The following AKIRIN2 variants were observed in gnomAD, a reference collection of about 807,000 sequenced individuals.
AKIRIN2 encodes the protein akirin-2.
A neutral mutation model predicts 29.3 loss-of-function variants in AKIRIN2; 6 were observed. That is an observed-to-expected ratio of 0.20 (90% CI 0.11 to 0.40). AKIRIN2 has a LOEUF of 0.40. AKIRIN2 is among the 10% of genes least tolerant of loss of function. The probability of loss-of-function intolerance (pLI) is 1.00; values close to 1 mark genes in which losing one functional copy is unlikely to be tolerated. For missense variants in AKIRIN2, 210 were observed against 276.1 expected (o/e 0.76, Z 1.70); for synonymous variants, 128 against 117.5 (o/e 1.09, Z -0.58).
chr6:87,696,677 G>A (rs1407549399), intron 1 of AKIRIN2, among the ~76,000 whole-genome samples: 9 of 146,156 alleles, frequency 6.2e-5, no homozygotes, highest in African/African-American at 2.0e-4. Flanking sequence ...CTCCAGCCTG[G>A]GGGACAGAGT....
chr6:87,699,037 CAA>C (rs950982261), intron 1 of AKIRIN2, among the ~76,000 whole-genome samples: 3 of 152,258 alleles, frequency 2.0e-5, no homozygotes, highest in African/African-American at 7.2e-5. Flanking sequence ...GAAAGGAAAA[CAA>C]AGAGTTCCCA....
Position 87,701,996 on chromosome 6 carries a change from G to A in AKIRIN2, c.-312C>T, listed in dbSNP as rs1482248734. 5 of 402,318 alleles carry A rather than the reference G, an allele frequency of 1.2e-5. No homozygotes were observed. Among genetic ancestry groups the A allele is most frequent in the Middle Eastern group, 6.2e-4 (1 of 1,614 alleles). 24.9% of individuals were successfully genotyped at this position (402,318 alleles called of 1,614,324 possible). A position where few individuals can be genotyped will look rare whatever the true frequency, so the allele number is the denominator to read the frequency against. ...GGCTCCCCCGAGAGAGGCTCCGGCCGCCCCCGCCGTCCGCTCGAGCTTTGC... is the reference window on the plus strand; with the variant it reads ...GGCTCCCCCGAGAGAGGCTCCGGCCACCCCCGCCGTCCGCTCGAGCTTTGC... On this transcript the variant is annotated 5_prime_UTR_variant, in exon 1 of 5. Coordinates refer to ENST00000257787, the MANE Select transcript of AKIRIN2 (RefSeq NM_018064.4).
intron 1 of AKIRIN2, among the ~76,000 whole-genome samples, chr6:87,688,685 G>A (rs1286265287): frequency 6.6e-6 from 1 of 152,120 alleles, no homozygotes; most frequent in African/African-American, 2.4e-5. Context: ...GGGGGGAGGT[G>A]GAGGTTGCAG....
At position 87,701,645 on chromosome 6, in the gene AKIRIN2, C is replaced by T; in HGVS notation, c.40G>A (p.Asp14Asn). ...GATLKRTLDF[D>N]PLLSPASPKR... ...GGGGACGCCGGGCTCAACAGCGGGTCGAAATCCAGAGTCCTTTTCAGAGTG... is the reference window on the plus strand; with the variant it reads ...GGGGACGCCGGGCTCAACAGCGGGTTGAAATCCAGAGTCCTTTTCAGAGTG... Residue 14 changes from aspartate to asparagine, a missense_variant, in exon 1 of 5, where the codon GAC becomes AAC. By Grantham distance (23) the Asp-to-Asn change is conservative. Around this residue, in one of 2 missense-constraint regions of AKIRIN2, gnomAD observed 199 missense variants for 236.5 expected, o/e 0.84. Transcript: ENST00000257787. 6.8e-7 allele frequency: 1 copy of T among 1,467,866 alleles called. No homozygotes were observed. The highest frequency in any genetic ancestry group is 9.0e-7 in the Non-Finnish European group (1 of 1,113,572). The allele number at this position is 1,467,866 out of a possible 1,614,324, so 90.9% of individuals were successfully genotyped here. A position where few individuals can be genotyped will look rare whatever the true frequency, so the allele number is the denominator to read the frequency against.
chr6:87,695,141 C>A (rs1246367841), intron 1 of AKIRIN2, among the ~76,000 whole-genome samples: 4 of 152,150 alleles, frequency 2.6e-5, no homozygotes, highest in Admixed American at 2.0e-4. Flanking sequence ...TAGAAAAATT[C>A]TTATACATGG....
At position 87,701,962 on chromosome 6, in the gene AKIRIN2, C is replaced by T; in HGVS notation, c.-278G>A. 1 of 399,398 alleles carries T rather than the reference C, an allele frequency of 2.5e-6. No homozygotes were observed. Among genetic ancestry groups the T allele is most frequent in the Non-Finnish European group, 4.4e-6 (1 of 226,488 alleles). The allele number at this position is 399,398 out of a possible 1,614,324, so 24.7% of individuals were successfully genotyped here. A position where few individuals can be genotyped will look rare whatever the true frequency, so the allele number is the denominator to read the frequency against. Reference sequence around the variant, plus strand: ...CGCGTCAGGGGGGTTCTTCCGCCTCCTCAGGCGCGGCTCCCCCGAGAGAGG... The same window carrying T: ...CGCGTCAGGGGGGTTCTTCCGCCTCTTCAGGCGCGGCTCCCCCGAGAGAGG... On this transcript the variant is annotated 5_prime_UTR_variant, in exon 1 of 5. Transcript: ENST00000257787.
intron 3 of AKIRIN2, among the ~76,000 whole-genome samples, chr6:87,676,447 CAAAAAAAAA>C (rs71021319): frequency 4.8e-5 from 2 of 41,908 alleles, no homozygotes; most frequent in South Asian, 1.2e-3. Context: ...GCCTGGGCAA[CAAAAAAAAA>C]AAAAAAAAAA....
Position 87,692,255 on chromosome 6 carries a change from C to T in AKIRIN2, c.235+9195G>A, listed in dbSNP as rs79299335. Among the ~76,000 whole-genome samples, 248 of 152,256 alleles carry T rather than the reference C, an allele frequency of 1.6e-3. 8 individuals are homozygous for T. The East Asian group carries it at 0.044, about 27-fold the overall frequency. On this transcript the variant is annotated intron_variant, in intron 1 of 4. Coordinates refer to ENST00000257787, the MANE Select transcript of AKIRIN2 (RefSeq NM_018064.4). ...TGAGTAAAAGTCCCATTTGAGGTTG[C>T]CTTCTTGAGACCATTTCCATCACTT...
chr6:87,690,360 CTTAAAATCAT>C (rs947916312), intron 1 of AKIRIN2, among the ~76,000 whole-genome samples: 3 of 152,188 alleles, frequency 2.0e-5, no homozygotes, highest in Non-Finnish European at 4.4e-5. Flanking sequence ...CCTAAGCTAA[CTTAAAATCAT>C]TTTGCCACCC....
intron 2 of AKIRIN2, among the ~76,000 whole-genome samples, chr6:87,681,297 C>T (rs1466121902): frequency 6.6e-6 from 1 of 152,212 alleles, no homozygotes; most frequent in Non-Finnish European, 1.5e-5. Flanking sequence ...CTCGCTCGGC[C>T]TCCCCAAGTG....
rs982480747 is a variant in AKIRIN2 at position 87,701,838 on chromosome 6, G to A, written c.-154C>T. ...GTCGCGGAGCGCCGGCTGTGGAAAGGAGAGCCGCTGCCGCCGCTGCCTCCG... is the reference window on the plus strand; with the variant it reads ...GTCGCGGAGCGCCGGCTGTGGAAAGAAGAGCCGCTGCCGCCGCTGCCTCCG... On this transcript the variant is annotated 5_prime_UTR_variant, in exon 1 of 5. Transcript: ENST00000257787. 3 of 498,892 alleles carry A rather than the reference G, an allele frequency of 6.0e-6. No individual in the cohort carries two copies. The highest frequency in any genetic ancestry group is 5.3e-4 in the Middle Eastern group (1 of 1,872). 30.9% of individuals were successfully genotyped at this position (498,892 alleles called of 1,614,324 possible).
chr6:87,692,672 T>C (rs1016640972), intron 1 of AKIRIN2, among the ~76,000 whole-genome samples: 3 of 152,042 alleles, frequency 2.0e-5, no homozygotes, highest in Non-Finnish European at 4.4e-5. Flanking sequence ...ATTAGCTGGG[T>C]GTGGCGGCGC....
intron 1 of AKIRIN2, among the ~76,000 whole-genome samples, chr6:87,691,689 A>C (rs894123088): frequency 6.6e-6 from 1 of 152,182 alleles, no homozygotes; most frequent in Non-Finnish European, 1.5e-5. Flanking sequence ...GGGAAATTGT[A>C]GTCAAAGGAG....
chr6:87,700,605 A>C (rs1299041162), intron 1 of AKIRIN2: 1 of 152,240 alleles, frequency 6.6e-6, no homozygotes, highest in East Asian at 1.9e-4. Flanking sequence ...CAAGATGAAA[A>C]GCAAAAGTCT....
At chr6:87,686,583 T>C (rs1771192173) in intron 1 of AKIRIN2, among the ~76,000 whole-genome samples, 1 of 151,998 alleles carries the variant, frequency 6.6e-6, no homozygotes, top group Non-Finnish European at 1.5e-5. Flanking sequence ...CCTCCAGACA[T>C]CATTACTAGA....
rs137898909 is a variant in AKIRIN2 at position 87,676,815 on chromosome 6, G to A, written c.530-884C>T. ...CAATTGGCCGGGCATGGTGGCTTAC[G>A]CCTGTAATCCCAGCACTTTGAGAGG... On this transcript the variant is annotated intron_variant, in intron 3 of 4. Coordinates refer to ENST00000257787, the MANE Select transcript of AKIRIN2 (RefSeq NM_018064.4). 5.7e-3 allele frequency among the ~76,000 whole-genome samples: 842 copies of A among 147,728 alleles called. 7 individuals are homozygous for A. Among genetic ancestry groups the A allele is most frequent in the African/African-American group, 0.02 (781 of 39,818 alleles).
At chr6:87,692,775 A>C (rs1208666233) in intron 1 of AKIRIN2, among the ~76,000 whole-genome samples, 2 of 152,240 alleles carry the variant, frequency 1.3e-5, no homozygotes, top group African/African-American at 4.8e-5. Context: ...GTGCCACTGC[A>C]CTCCAGCCTG....
chr6:87,690,164 C>T (rs1343724159), intron 1 of AKIRIN2, among the ~76,000 whole-genome samples: 1 of 150,990 alleles, frequency 6.6e-6, no homozygotes, highest in Non-Finnish European at 1.5e-5. Flanking sequence ...TGAGATGACG[C>T]CATTGAACTC....
chr6:87,702,151 G>C lies in AKIRIN2; in HGVS notation c.-467C>G, dbSNP rs1174060718. 3 of 398,522 alleles carry C rather than the reference G, an allele frequency of 7.5e-6. No individual in the cohort carries two copies. The highest frequency in any genetic ancestry group is 1.3e-5 in the Non-Finnish European group (3 of 226,004). The allele number at this position is 398,522 out of a possible 1,614,324, so 24.7% of individuals were successfully genotyped here. A position where few individuals can be genotyped will look rare whatever the true frequency, so the allele number is the denominator to read the frequency against. On this transcript the variant is annotated 5_prime_UTR_variant, in exon 1 of 5. It adds an upstream start codon to the 5' untranslated region. Coordinates refer to ENST00000257787, the MANE Select transcript of AKIRIN2 (RefSeq NM_018064.4). ...GGTCAGTAGCTTGCGAGCGGCGATC[G>C]ATGCAGAGAGATTGCGAGGTAGCTG...
Sources: gnomAD v4.1 joint callset for allele counts (sites outside exome capture counted in the v4.1 genomes callset) on GRCh38, gnomAD v4.1.1 for gene constraint, gnomAD v4.1.1 regional missense constraint, MANE v1.5 for transcripts, NCBI Gene and HGNC (gene_info 2026-07-23, HGNC 2026-07-21) for gene names.